RALGAPA1: variants seen among roughly 807,000 people sequenced by gnomAD.
RALGAPA1 encodes the protein Ral GTPase activating protein catalytic subunit alpha 1, also known as ral GTPase-activating protein subunit alpha-1.
Under a neutral mutation model 269.6 loss-of-function variants are expected in RALGAPA1, and 52 were observed. That is an observed-to-expected ratio of 0.19 (90% CI 0.15 to 0.24). The LOEUF is 0.24. Ranked by LOEUF, RALGAPA1 falls within the 10% of genes least tolerant of loss-of-function variation. The pLI, the probability that RALGAPA1 is intolerant of heterozygous loss-of-function variation, is 1.00. For missense variants in RALGAPA1, 1,917 were observed against 3,013.9 expected, an observed-to-expected ratio of 0.64 and a Z score of 8.52; for synonymous variants, 817 against 1,008.3, an observed-to-expected ratio of 0.81 and a Z score of 3.60.
At chr14:35,758,139 C>T (rs1190471065) in intron 6 of RALGAPA1, among the ~76,000 whole-genome samples, 1 of 149,072 alleles carries the variant, frequency 6.7e-6, no homozygotes. Flanking sequence ...GTAATCTCAG[C>T]TACTTTGGAG....
intron 12 of RALGAPA1, among the ~76,000 whole-genome samples, chr14:35,731,669 C>T (rs2070488800): frequency 6.6e-6 from 1 of 151,904 alleles, no homozygotes; most frequent in Non-Finnish European, 1.5e-5. Flanking sequence ...TCAAATTAAC[C>T]CAACACAACA....
chr14:35,560,098 G>A (rs961515954), intron 39 of RALGAPA1, among the ~76,000 whole-genome samples: 4 of 152,248 alleles, frequency 2.6e-5, no homozygotes, highest in East Asian at 1.9e-4. Flanking sequence ...GAAAGGCTTC[G>A]CTAGAAAATG....
chr14:35,637,474 G>GA (rs1348884193), intron 31 of RALGAPA1, among the ~76,000 whole-genome samples: 1 of 151,874 alleles, frequency 6.6e-6, no homozygotes, highest in African/African-American at 2.4e-5. Context: ...GGATAATGCA[G>GA]AAAAAAGAAT....
At chr14:35,572,515 TA>T in intron 38 of RALGAPA1, 44 bp downstream of exon 38, 1 of 1,513,168 alleles carries the variant, frequency 6.6e-7, no homozygotes, top group Non-Finnish European at 8.9e-7. Flanking sequence ...TGAACCCCTA[TA>T]GAACCAAAAT....
intron 17 of RALGAPA1, among the ~76,000 whole-genome samples, chr14:35,693,370 A>G (rs1192462618): frequency 2.6e-5 from 4 of 151,838 alleles, no homozygotes; most frequent in African/African-American, 4.8e-5. Flanking sequence ...AATTGCTAAA[A>G]ATAATGGTGG....
At chr14:35,693,526 C>G (rs1288919313) in intron 17 of RALGAPA1, among the ~76,000 whole-genome samples, 1 of 151,830 alleles carries the variant, frequency 6.6e-6, no homozygotes, top group Non-Finnish European at 1.5e-5. Context: ...TGTCCTCTTA[C>G]TCTCCCAGAG....
intron 39 of RALGAPA1, among the ~76,000 whole-genome samples, chr14:35,561,627 G>A (rs1240127503): frequency 6.9e-6 from 1 of 145,098 alleles, no homozygotes; most frequent in African/African-American, 2.5e-5. Flanking sequence ...CATCCCTCAA[G>A]CCTCCTGAGT....
At chr14:35,793,128 T>C (rs1222590835) in intron 1 of RALGAPA1, among the ~76,000 whole-genome samples, 2 of 152,134 alleles carry the variant, frequency 1.3e-5, no homozygotes, top group Non-Finnish European at 1.5e-5. Context: ...TCTACCACAT[T>C]GTTAAAGATG....
chr14:35,720,430 A>G (rs1357626510), intron 16 of RALGAPA1, among the ~76,000 whole-genome samples: 1 of 152,218 alleles, frequency 6.6e-6, no homozygotes, highest in Admixed American at 6.5e-5. Context: ...TTTTTTATAC[A>G]AGATGTATCC....
intron 37 of RALGAPA1, among the ~76,000 whole-genome samples, chr14:35,594,323 A>T (rs1223417617): frequency 6.6e-6 from 1 of 152,272 alleles, no homozygotes; most frequent in East Asian, 1.9e-4. Flanking sequence ...CAGTCAACAA[A>T]ACGAAAAGGC....
chr14:35,748,534 T>C (rs1202049581), intron 10 of RALGAPA1, 51 bp downstream of exon 10: 3 of 1,533,128 alleles, frequency 2.0e-6, no homozygotes, highest in Non-Finnish European at 2.6e-6. Context: ...ATGTTTAATA[T>C]TAAAGATAAA....
At chr14:35,799,995 G>T (rs1262209853) in intron 1 of RALGAPA1, among the ~76,000 whole-genome samples, 1 of 152,144 alleles carries the variant, frequency 6.6e-6, no homozygotes, top group Non-Finnish European at 1.5e-5. Context: ...CAGGGAGAAA[G>T]ATATCATTTC....
chr14:35,669,816 C>A (rs1326827962), intron 26 of RALGAPA1, among the ~76,000 whole-genome samples: 4 of 152,174 alleles, frequency 2.6e-5, no homozygotes, highest in Non-Finnish European at 5.9e-5. Context: ...TATTCTATAT[C>A]CCTCTGTATT....
intron 7 of RALGAPA1, among the ~76,000 whole-genome samples, chr14:35,752,713 C>T (rs190944544): frequency 3.2e-4 from 48 of 152,052 alleles, no homozygotes; most frequent in East Asian, 5.8e-4. Context: ...AAGAAGGTGA[C>T]GAAGACATCC....
At chr14:35,624,539 C>G (rs1249214528) in intron 35 of RALGAPA1, among the ~76,000 whole-genome samples, 1 of 151,396 alleles carries the variant, frequency 6.6e-6, no homozygotes, top group Non-Finnish European at 1.5e-5. Context: ...GAGGAGATAA[C>G]TTTTTGAAGA....
intron 31 of RALGAPA1, among the ~76,000 whole-genome samples, chr14:35,646,612 G>C (rs1486039561): frequency 2.6e-5 from 4 of 152,096 alleles, no homozygotes; most frequent in Non-Finnish European, 5.9e-5. Context: ...ACTATAGAAG[G>C]CTAAAGAGAC....
At chr14:35,759,746 C>T (rs1235632216) in intron 6 of RALGAPA1, among the ~76,000 whole-genome samples, 1 of 151,684 alleles carries the variant, frequency 6.6e-6, no homozygotes. Flanking sequence ...CCTGTCTCTA[C>T]TAAAAATACA....
intron 35 of RALGAPA1, among the ~76,000 whole-genome samples, chr14:35,612,745 A>T (rs535040038): frequency 6.6e-6 from 1 of 151,970 alleles, no homozygotes; most frequent in African/African-American, 2.4e-5. Context: ...TCACCATGTT[A>T]GCCAGGATGG....
intron 13 of RALGAPA1, among the ~76,000 whole-genome samples, chr14:35,727,214 A>C (rs2070019213): frequency 6.6e-6 from 1 of 150,606 alleles, no homozygotes; most frequent in African/African-American, 2.4e-5. Flanking sequence ...AGGAAAATAA[A>C]ATACATATAA....
Sources: allele counts gnomAD v4.1 joint callset (sites outside exome capture counted in the v4.1 genomes callset), GRCh38; gene constraint gnomAD v4.1.1; transcripts MANE v1.5; gene names NCBI Gene and HGNC (gene_info 2026-07-23, HGNC 2026-07-21).